The following TMEM178B variants were observed in gnomAD, a reference collection of about 807,000 sequenced individuals.
The protein encoded by TMEM178B is transmembrane protein 178B.
In TMEM178B, 5 loss-of-function variants were observed where a neutral mutation model predicts 31.0. That is an observed-to-expected ratio of 0.16 (90% CI 0.08 to 0.34). The LOEUF (loss-of-function observed/expected upper bound fraction) is 0.34. TMEM178B is among the 10% of genes least tolerant of loss of function. TMEM178B has a pLI of 1.00. For synonymous variants in TMEM178B, 164 were observed against 164.0 expected (o/e 1.00, Z 0.00); for missense variants, 275 against 400.3 (o/e 0.69, Z 2.67).
intron 3 of TMEM178B, among the ~76,000 whole-genome samples, chr7:141,445,919 A>G (rs1801745676): frequency 6.6e-6 from 1 of 152,190 alleles, no homozygotes; most frequent in African/African-American, 2.4e-5. Context: ...TTCTTTCAAA[A>G]TCCTGATTAG....
intron 2 of TMEM178B, among the ~76,000 whole-genome samples, chr7:141,287,947 C>T (rs995331867): frequency 6.6e-6 from 1 of 152,220 alleles, no homozygotes; most frequent in Non-Finnish European, 1.5e-5. Context: ...ATTATCTTCT[C>T]TGAGCAGTGG....
intron 2 of TMEM178B, among the ~76,000 whole-genome samples, chr7:141,398,264 A>G (rs1272995275): frequency 6.6e-6 from 1 of 152,240 alleles, no homozygotes; most frequent in African/African-American, 2.4e-5. Flanking sequence ...TTTGAGTTCT[A>G]TATCTCCATT....
In TMEM178B at chr7:141,231,310, G is replaced by GA. The variant is rs770411127; in HGVS notation, c.496+18608dup. Among the ~76,000 whole-genome samples, 175 of 105,254 alleles carry GA rather than the reference G, an allele frequency of 1.7e-3. 1 individual carries two copies. Among genetic ancestry groups the GA allele is most frequent in the East Asian group, 0.016 (43 of 2,622 alleles). 69.1% of individuals were successfully genotyped at this position (105,254 alleles called of 152,430 possible). On this transcript the variant is annotated intron_variant, in intron 2 of 3. Coordinates refer to ENST00000565468, the MANE Select transcript of TMEM178B (RefSeq NM_001195278.2). ...GGGGCTCCTGACCTAGAGCTCAAGA[G>GA]AAGAAAAAAAAAAAACACGACAAGG...
intron 3 of TMEM178B, among the ~76,000 whole-genome samples, chr7:141,459,741 T>C (rs1802029906): frequency 6.6e-6 from 1 of 152,168 alleles, no homozygotes; most frequent in Non-Finnish European, 1.5e-5. Context: ...AATGAAACCC[T>C]TTGAACACGC....
intron 2 of TMEM178B, among the ~76,000 whole-genome samples, chr7:141,329,875 A>G (rs189422136): frequency 7.2e-5 from 11 of 152,342 alleles, no homozygotes; most frequent in Admixed American, 6.5e-4. Flanking sequence ...TGGGGACATG[A>G]CACTCACACA....
chr7:141,245,294 C>T (rs1294662071), intron 2 of TMEM178B, among the ~76,000 whole-genome samples: 1 of 146,200 alleles, frequency 6.8e-6, no homozygotes, highest in African/African-American at 2.5e-5. Context: ...GCAGTGTGGG[C>T]TGCCTCCTGG....
intron 2 of TMEM178B, among the ~76,000 whole-genome samples, chr7:141,419,641 G>A (rs1036850249): frequency 7.2e-5 from 11 of 152,140 alleles, no homozygotes; most frequent in Non-Finnish European, 1.5e-4. Context: ...CATGGCCTTC[G>A]GGATGAAATC....
chr7:141,462,609 G>A (rs1802078344), intron 3 of TMEM178B, among the ~76,000 whole-genome samples: 2 of 152,010 alleles, frequency 1.3e-5, no homozygotes. Flanking sequence ...GTGTCAGGTA[G>A]CCAAAAAACT....
intron 1 of TMEM178B, among the ~76,000 whole-genome samples, chr7:141,181,765 G>C (rs566346662): frequency 1.3e-5 from 2 of 152,232 alleles, no homozygotes; most frequent in East Asian, 3.9e-4. Flanking sequence ...ATGCTAAACT[G>C]CATCCCTTAT....
intron 2 of TMEM178B, among the ~76,000 whole-genome samples, chr7:141,388,003 G>C (rs10277430): frequency 6.6e-6 from 1 of 152,170 alleles, no homozygotes; most frequent in African/African-American, 2.4e-5. Context: ...CTGCCAAGCC[G>C]CACACCCTTT....
chr7:141,245,053 C>T (rs1280856552), intron 2 of TMEM178B, among the ~76,000 whole-genome samples: 1 of 150,928 alleles, frequency 6.6e-6, no homozygotes, highest in African/African-American at 2.4e-5. Context: ...AGGAGAATTG[C>T]TTGAACCTGG....
chr7:141,389,178 C>T (rs1800488994), intron 2 of TMEM178B, among the ~76,000 whole-genome samples: 1 of 152,198 alleles, frequency 6.6e-6, no homozygotes, highest in Non-Finnish European at 1.5e-5. Context: ...CCAGATACCA[C>T]TACTCACGTT....
chr7:141,400,121 G>A (rs530527967), intron 2 of TMEM178B, among the ~76,000 whole-genome samples: 1 of 152,172 alleles, frequency 6.6e-6, no homozygotes, highest in Non-Finnish European at 1.5e-5. Context: ...GGGTCGTCAT[G>A]CATCACTGCA....
At chr7:141,438,635 T>C (rs1381363771) in intron 3 of TMEM178B, among the ~76,000 whole-genome samples, 2 of 129,610 alleles carry the variant, frequency 1.5e-5, no homozygotes, top group Admixed American at 1.9e-4. Context: ...CCAAGGTGGG[T>C]GGATCATGAG....
At chr7:141,097,249 G>A (rs1794975346) in intron 1 of TMEM178B, among the ~76,000 whole-genome samples, 1 of 150,746 alleles carries the variant, frequency 6.6e-6, no homozygotes, top group African/African-American at 2.4e-5. Context: ...GGCGCCTGTA[G>A]TCCCAGCTAC....
At chr7:141,285,030 A>C (rs1415350884) in intron 2 of TMEM178B, among the ~76,000 whole-genome samples, 3 of 151,066 alleles carry the variant, frequency 2.0e-5, no homozygotes, top group Non-Finnish European at 4.4e-5. Flanking sequence ...AGCCTACCAG[A>C]CTGAAAAGTG....
chr7:141,394,660 A>G (rs550957483), intron 2 of TMEM178B, among the ~76,000 whole-genome samples: 3 of 152,332 alleles, frequency 2.0e-5, no homozygotes, highest in Non-Finnish European at 4.4e-5. Context: ...AGTCCCTGAC[A>G]TAGATATCAT....
At chr7:141,503,027 T>C in the TMEM178B span, among the ~76,000 whole-genome samples, 1 of 152,142 alleles carries the variant, frequency 6.6e-6, no homozygotes, top group Non-Finnish European at 1.5e-5. Context: ...TTAGGTCTGA[T>C]CCATAACCCC....
intron 2 of TMEM178B, among the ~76,000 whole-genome samples, chr7:141,338,132 C>T (rs765439178): frequency 3.3e-5 from 5 of 152,034 alleles, no homozygotes; most frequent in East Asian, 1.9e-4. Context: ...CCACCGTGCC[C>T]GGCCGATTTG....
Sources: allele counts gnomAD v4.1 joint callset (sites outside exome capture counted in the v4.1 genomes callset), GRCh38; gene constraint gnomAD v4.1.1; transcripts MANE v1.5; gene names NCBI Gene and HGNC (gene_info 2026-07-23, HGNC 2026-07-21).